Variants in CCDC7 observed in about 807,000 individuals in gnomAD.
The protein encoded by CCDC7 is coiled-coil domain-containing protein 7.
Under a neutral mutation model 196.9 loss-of-function variants are expected in CCDC7, and 183 were observed. The observed-to-expected ratio is 0.93, with a 90% CI of 0.82 to 1.05. The LOEUF is 1.05. CCDC7 is among the 50% of genes least tolerant of loss of function. CCDC7 has a pLI of 0.00. For synonymous variants in CCDC7, 525 were observed against 484.6 expected, an observed-to-expected ratio of 1.08 and a Z score of -1.10; for missense variants, 1,540 against 1,482.2, an observed-to-expected ratio of 1.04 and a Z score of -0.64.
intron 18 of CCDC7, among the ~76,000 whole-genome samples, chr10:32,622,413 C>T (rs2063515590): frequency 6.6e-6 from 1 of 151,838 alleles, no homozygotes; most frequent in Non-Finnish European, 1.5e-5. Flanking sequence ...CGAGCCTTCT[C>T]CTGCTTGGGC....
chr10:32,706,512 A>G (rs1369840334), intron 24 of CCDC7, among the ~76,000 whole-genome samples: 1 of 152,142 alleles, frequency 6.6e-6, no homozygotes, highest in Non-Finnish European at 1.5e-5. Context: ...AACCCTTCAA[A>G]CAATCAATTA....
intron 38 of CCDC7, among the ~76,000 whole-genome samples, 183 bp downstream of exon 39, chr10:32,848,099 A>G (rs1565698980): frequency 6.6e-6 from 1 of 152,066 alleles, no homozygotes; most frequent in Non-Finnish European, 1.5e-5. Flanking sequence ...AAGTTTTAAA[A>G]CCTCTAGACA....
intron 24 of CCDC7, among the ~76,000 whole-genome samples, chr10:32,700,132 G>T (rs893012602): frequency 4.0e-5 from 6 of 149,502 alleles, no homozygotes; most frequent in Non-Finnish European, 8.8e-5. Flanking sequence ...CCTTGCCCAT[G>T]CCTATGTCCT....
At chr10:32,789,248 G>A (rs2082321778) in intron 29 of CCDC7, among the ~76,000 whole-genome samples, 1 of 152,074 alleles carries the variant, frequency 6.6e-6, no homozygotes, top group African/African-American at 2.4e-5. Context: ...ACTAGTAATT[G>A]ACCCTACATA....
intron 24 of CCDC7, among the ~76,000 whole-genome samples, chr10:32,704,463 C>A (rs574354964): frequency 6.6e-6 from 1 of 151,014 alleles, no homozygotes; most frequent in East Asian, 1.9e-4. Context: ...GTCAGGGACC[C>A]ACTTGAGGAG....
chr10:32,444,272 ATTGT>A (rs113013101), upstream of CCDC7, among the ~76,000 whole-genome samples: 28 of 152,206 alleles, frequency 1.8e-4, no homozygotes, highest in African/African-American at 6.8e-4. Context: ...ATTCATAAGT[ATTGT>A]TTGTTTTCAA....
At chr10:32,607,787 C>G (rs2061688566) in intron 18 of CCDC7, among the ~76,000 whole-genome samples, 2 of 151,908 alleles carry the variant, frequency 1.3e-5, no homozygotes, top group African/African-American at 4.8e-5. Context: ...CTATAGTTTT[C>G]TTTTTTGTTG....
chr10:32,693,696 A>C (rs2077349770), intron 23 of CCDC7, among the ~76,000 whole-genome samples: 1 of 152,190 alleles, frequency 6.6e-6, no homozygotes, highest in South Asian at 2.1e-4. Flanking sequence ...CATGGTCTGG[A>C]GTTAGCACAT....
chr10:32,491,209 A>G (rs1037735292), intron 8 of CCDC7, among the ~76,000 whole-genome samples: 1 of 152,180 alleles, frequency 6.6e-6, no homozygotes, highest in East Asian at 1.9e-4. Context: ...TAGAAAAAAT[A>G]TAATTAATGT....
intron 9 of CCDC7, among the ~76,000 whole-genome samples, chr10:32,507,664 T>A (rs2045414854): frequency 6.6e-6 from 1 of 151,948 alleles, no homozygotes; most frequent in South Asian, 2.1e-4. Flanking sequence ...TTGACCAGGC[T>A]GGTCTTGAAC....
intron 41 of CCDC7, among the ~76,000 whole-genome samples, chr10:32,869,468 C>T (rs2136735246): frequency 6.6e-6 from 1 of 152,206 alleles, no homozygotes; most frequent in Middle Eastern, 3.4e-3. Flanking sequence ...GATATTAGCC[C>T]TTTGTCACAT....
At chr10:32,829,336 G>A (rs1250535246) in intron 32 of CCDC7, among the ~76,000 whole-genome samples, 2 of 152,284 alleles carry the variant, frequency 1.3e-5, no homozygotes, top group East Asian at 3.9e-4. Context: ...GTAGAAGAAG[G>A]CAGTCACCAA....
At chr10:32,583,840 A>G (rs1024963541) in intron 17 of CCDC7, among the ~76,000 whole-genome samples, 1 of 152,138 alleles carries the variant, frequency 6.6e-6, no homozygotes, top group Non-Finnish European at 1.5e-5. Context: ...TTTATCATAC[A>G]TTTTATTAAA....
chr10:32,636,753 A>T (rs2065726066), intron 20 of CCDC7, among the ~76,000 whole-genome samples: 1 of 152,164 alleles, frequency 6.6e-6, no homozygotes, highest in Admixed American at 6.5e-5. Context: ...CAGTAATGGG[A>T]TGGCTGGGTC....
exon 18 of CCDC7, chr10:32,584,302 A>T: frequency 6.3e-7 from 1 of 1,576,804 alleles, no homozygotes; most frequent in Non-Finnish European, 8.7e-7. Context: ...GAAAAATCTC[A>T]AGGTAAAAAG....
At chr10:32,638,406 T>A (rs2066065929) in intron 20 of CCDC7, among the ~76,000 whole-genome samples, 1 of 152,228 alleles carries the variant, frequency 6.6e-6, no homozygotes, top group South Asian at 2.1e-4. Context: ...ATACGTCCCA[T>A]CAATACCTAA....
At chr10:32,607,647 G>A (rs1398670530) in intron 18 of CCDC7, among the ~76,000 whole-genome samples, 5 of 152,142 alleles carry the variant, frequency 3.3e-5, no homozygotes, top group South Asian at 2.1e-4. Context: ...TGTGGACATT[G>A]AATCATCTTT....
chr10:32,601,246 A>G (rs577211373), intron 18 of CCDC7, among the ~76,000 whole-genome samples: 20 of 152,006 alleles, frequency 1.3e-4, no homozygotes, highest in Admixed American at 1.2e-3. Context: ...CTAATTTTGT[A>G]TTTTCAGTAA....
At chr10:32,754,061 G>A (rs542229694) in intron 28 of CCDC7, among the ~76,000 whole-genome samples, 1 of 150,312 alleles carries the variant, frequency 6.7e-6, no homozygotes, top group Admixed American at 6.6e-5. Context: ...TGCTGCTAAA[G>A]TAAGTATTGT....
Sources: allele counts gnomAD v4.1 joint callset (sites outside exome capture counted in the v4.1 genomes callset), GRCh38; gene constraint gnomAD v4.1.1; transcripts MANE v1.5; gene names NCBI Gene and HGNC (gene_info 2026-07-23, HGNC 2026-07-21).